Variants in STARD3 observed in about 807,000 individuals in gnomAD.
STARD3 encodes the protein StAR related lipid transfer domain containing 3, also known as stAR-related lipid transfer protein 3.
A neutral mutation model predicts 62.0 loss-of-function variants in STARD3; 39 were observed. That is an observed-to-expected ratio of 0.63 (90% CI 0.49 to 0.82). The LOEUF is 0.82. STARD3 is among the 40% of genes least tolerant of loss of function. The pLI is 0.00. For synonymous variants in STARD3, 229 were observed against 242.4 expected, an observed-to-expected ratio of 0.94 and a Z score of 0.51; for missense variants, 543 against 584.5, an observed-to-expected ratio of 0.93 and a Z score of 0.73.
intron 2 of STARD3, 39 bp downstream of exon 2, chr17:39,653,789 G>C: frequency 6.2e-7 from 1 of 1,609,160 alleles, no homozygotes; most frequent in East Asian, 2.2e-5. Flanking sequence ...CCATGTTGCA[G>C]GCCACCCGGG....
chr17:39,662,523 G>T (rs773277355), intron 14 of STARD3, 179 bp downstream of exon 14: 2 of 668,810 alleles, frequency 3.0e-6, no homozygotes, highest in Non-Finnish European at 5.1e-6. Flanking sequence ...CTGGGTTGCT[G>T]TAGGGCATGT....
In STARD3 at chr17:39,657,980, C is replaced by T. The variant is rs775180395; in HGVS notation, c.383C>T (p.Thr128Met). Residue 128 changes from threonine to methionine, a missense_variant, in exon 5 of 15, where the codon ACG (threonine) becomes ATG (methionine). Coordinates refer to ENST00000336308, the MANE Select transcript of STARD3 (RefSeq NM_006804.4). ...CCTCCCTCCCCTGGGCAGGTCACGA[C>T]GCTGGTGTCCAGTGCATTCCTCATT... The part of the protein sequence containing the change: ...LRHWWVIAVT[T>M]LVSSAFLIVK... The T allele has an allele frequency of 6.3e-6, 10 of 1,582,238 alleles. No individual in the cohort carries two copies. Among genetic ancestry groups the T allele is most frequent in the East Asian group, 2.2e-5 (1 of 44,456 alleles).
At chr17:39,639,639 A>G (rs962245251) in intron 1 of STARD3, among the ~76,000 whole-genome samples, 6 of 152,186 alleles carry the variant, frequency 3.9e-5, no homozygotes, top group African/African-American at 1.2e-4. Context: ...GACGCTGGCA[A>G]TTCCTTTCCT....
chr17:39,659,994 C>T, intron 9 of STARD3: 1 of 591,922 alleles, frequency 1.7e-6, no homozygotes, highest in Non-Finnish European at 3.0e-6. Flanking sequence ...TGCAGCTGTC[C>T]CCCCGTCTTT....
At chr17:39,662,474 C>A in intron 14 of STARD3, 130 bp downstream of exon 14, 1 of 957,412 alleles carries the variant, frequency 1.0e-6, no homozygotes. Context: ...ACCTTTCTTA[C>A]TTGAAAATTT....
rs1597803896 is a variant in STARD3, at chr17:39,663,880, C to T, written c.*972C>T. Among the ~76,000 whole-genome samples the T allele has an allele frequency of 6.6e-6, 1 of 152,168 alleles. No individual in the cohort carries two copies. Among genetic ancestry groups the T allele is most frequent in the African/African-American group, 2.4e-5 (1 of 41,512 alleles). ...CTCTGGGATCCAGGCCACCTGGAGC[C>T]CCGGACCTCCCAGACTCCACTCACC... On this transcript the variant is annotated 3_prime_UTR_variant, in exon 15 of 15. Transcript: ENST00000336308.
At chr17:39,649,024 G>A (rs1308783019) in intron 1 of STARD3, among the ~76,000 whole-genome samples, 1 of 152,182 alleles carries the variant, frequency 6.6e-6, no homozygotes, top group East Asian at 1.9e-4. Flanking sequence ...AGGGAGGAGA[G>A]AGGCAGATAG....
At chr17:39,643,009 G>A (rs2056994543) in intron 1 of STARD3, among the ~76,000 whole-genome samples, 1 of 152,108 alleles carries the variant, frequency 6.6e-6, no homozygotes, top group Admixed American at 6.6e-5. Flanking sequence ...GGAAGCCATT[G>A]GAGGTTGGGG....
Position 39,662,343 on chromosome 17 carries a change from A to G in STARD3, c.1232A>G (p.Lys411Arg), listed in dbSNP as rs965509022. 1 of 1,613,658 alleles carries G rather than the reference A, an allele frequency of 6.2e-7. No individual in the cohort carries two copies. Among genetic ancestry groups the G allele is most frequent in the Non-Finnish European group, 8.5e-7 (1 of 1,179,820 alleles). ...TFVWILNTDL[K>R]GRLPRYLIHQ... Reference sequence around the variant, plus strand: ...GTCTGGATTCTTAATACAGATCTCAAGGTGGGGTGCTGGGGGGCTGCCAGG... The same window carrying G: ...GTCTGGATTCTTAATACAGATCTCAGGGTGGGGTGCTGGGGGGCTGCCAGG... The change falls in exon 14 of 15, where the codon AAG (lysine) becomes AGG (arginine). Residue 411 changes from lysine to arginine, a missense_variant and splice_region_variant. Lys to Arg is a conservative substitution (Grantham distance 26). Coordinates refer to ENST00000336308, the MANE Select transcript of STARD3 (RefSeq NM_006804.4).
intron 3 of STARD3, 116 bp downstream of exon 3, chr17:39,657,201 C>A: frequency 3.9e-6 from 4 of 1,023,038 alleles, no homozygotes; most frequent in South Asian, 2.8e-5. Flanking sequence ...ACTCGGCTCC[C>A]ATCCTTCGGG....
Position 39,658,010 on chromosome 17 carries a change from A to G in STARD3, c.413A>G (p.Lys138Arg), listed in dbSNP as rs1472648638. ...GTGTCCAGTGCATTCCTCATTGTCAAGGTCATCCTCTCTGAGGTCAGTGGC... is the reference window on the plus strand; with the variant it reads ...GTGTCCAGTGCATTCCTCATTGTCAGGGTCATCCTCTCTGAGGTCAGTGGC... The part of the protein sequence containing the change: ...TLVSSAFLIV[K>R]VILSELLSKG... The change falls in exon 5 of 15, where the codon AAG becomes AGG. Residue 138 changes from lysine to arginine, a missense_variant. Coordinates refer to ENST00000336308, the MANE Select transcript of STARD3 (RefSeq NM_006804.4). 1.3e-6 allele frequency: 2 copies of G among 1,564,000 alleles called. No homozygotes were observed. The highest frequency in any genetic ancestry group is 1.2e-5 in the South Asian group (1 of 83,406).
intron 8 of STARD3, 91 bp from the exon 9 acceptor site, chr17:39,659,370 G>A (rs73296106): frequency 0.051 from 65,995 of 1,305,220 alleles, 2,054 homozygotes; most frequent in African/African-American, 0.068. Flanking sequence ...CCTCTGGGAA[G>A]CATGTGGTAT....
rs1362575263 is a variant in STARD3 at position 39,662,869 on chromosome 17, C to T, written c.1299C>T (p.His433=). Residue 433 remains histidine (H), a synonymous_variant, in exon 15 of 15, where the codon CAC becomes CAT. Coordinates refer to ENST00000336308, the MANE Select transcript of STARD3 (RefSeq NM_006804.4). ...LAATMFEFAF[H]LRQRISELGA... is the part of the protein sequence containing the mutation. The stretch of plus-strand genomic sequence containing the variant: ...CCACCATGTTTGAATTTGCCTTTCA[C>T]CTGCGACAGCGCATCAGCGAGCTGG... 1.9e-6 allele frequency: 3 copies of T among 1,612,756 alleles called. No homozygotes were observed. The highest frequency in any genetic ancestry group is 2.5e-6 in the Non-Finnish European group (3 of 1,179,542).
rs553468892 is a variant in STARD3 at position 39,660,967 on chromosome 17, C to T, written c.1035-14C>T. Reference sequence around the variant, plus strand: ...TTGGGTCATTGTCCCCTGAACTAACCCTCCCTCCCGCAGGGACTTCGTGAA... The same window carrying T: ...TTGGGTCATTGTCCCCTGAACTAACTCTCCCTCCCGCAGGGACTTCGTGAA... On this transcript the variant is annotated splice_polypyrimidine_tract_variant and intron_variant, in intron 12 of 14. Transcript: ENST00000336308. This position sits in a 1 kb window ranked among gnomAD's most constrained non-coding sequence, Gnocchi z 4.8. The T allele has an allele frequency of 6.2e-7, 1 of 1,613,440 alleles. No homozygotes were observed. Among genetic ancestry groups the T allele is most frequent in the Non-Finnish European group, 8.5e-7 (1 of 1,179,794 alleles).
rs764711188 is a variant in STARD3 at position 39,663,000 on chromosome 17, G to C, written c.*92G>C. ...CAGTTGGGCTCGCACTGCCCACATG[G>C]GACCTGGCCCCAGGCTGTCACCCTC... is the stretch of plus-strand genomic sequence containing the variant. On this transcript the variant is annotated 3_prime_UTR_variant, in exon 15 of 15. Transcript: ENST00000336308. The C allele has an allele frequency of 6.4e-6, 8 of 1,254,574 alleles. No individual in the cohort carries two copies. In the East Asian group the frequency reaches 1.8e-4, roughly 29 times the overall value. The allele number at this position is 1,254,574 out of a possible 1,614,324, so 77.7% of individuals were successfully genotyped here.
In STARD3 at chr17:39,657,635, A is replaced by C. The variant is rs574966971; in HGVS notation, c.298-140A>C. 29 of 830,516 alleles carry C rather than the reference A, an allele frequency of 3.5e-5. No homozygotes were observed. The African/African-American group carries it at 3.8e-4, about 11-fold the overall frequency. The allele number at this position is 830,516 out of a possible 1,614,324, so 51.4% of individuals were successfully genotyped here. ...GTTACATCCAAATTGTCCCAGAGACATGCTGACTCAGTCGTTGTCCCCTGA... is the reference window on the plus strand; with the variant it reads ...GTTACATCCAAATTGTCCCAGAGACCTGCTGACTCAGTCGTTGTCCCCTGA... On this transcript the variant is annotated intron_variant, in intron 3 of 14. Coordinates refer to ENST00000336308, the MANE Select transcript of STARD3 (RefSeq NM_006804.4).
Position 39,657,981 on chromosome 17 carries a change from G to A in STARD3, c.384G>A (p.Thr128=), listed in dbSNP as rs149232821. The change falls in exon 5 of 15, where the codon ACG becomes ACA. Residue 128 remains threonine (T), a synonymous_variant. Transcript: ENST00000336308. ...CTCCCTCCCCTGGGCAGGTCACGAC[G>A]CTGGTGTCCAGTGCATTCCTCATTG... The part of the protein sequence containing the change: ...LRHWWVIAVT[T]LVSSAFLIVK... The A allele has an allele frequency of 1.0e-5, 16 of 1,582,332 alleles. No individual in the cohort carries two copies. The highest frequency in any genetic ancestry group is 4.5e-5 in the East Asian group (2 of 44,454).
In STARD3 at chr17:39,662,350, G is replaced by T; in HGVS notation, c.1233+6G>T. 1.2e-6 allele frequency: 2 copies of T among 1,613,192 alleles called. No individual in the cohort carries two copies. The highest frequency in any genetic ancestry group is 8.5e-7 in the Non-Finnish European group (1 of 1,179,598). ...TTCTTAATACAGATCTCAAGGTGGGGTGCTGGGGGGCTGCCAGGTGGGTTC... is the reference window on the plus strand; with the variant it reads ...TTCTTAATACAGATCTCAAGGTGGGTTGCTGGGGGGCTGCCAGGTGGGTTC... On this transcript the variant is annotated splice_donor_region_variant and intron_variant, in intron 14 of 14. Transcript: ENST00000336308.
At position 39,660,065 on chromosome 17, in the gene STARD3, T is replaced by C; in HGVS notation, c.796-146T>C. 1 of 738,472 alleles carries C rather than the reference T, an allele frequency of 1.4e-6. No homozygotes were observed. Among genetic ancestry groups the C allele is most frequent in the Non-Finnish European group, 2.4e-6 (1 of 425,098 alleles). The allele number at this position is 738,472 out of a possible 1,614,324, so 45.7% of individuals were successfully genotyped here. ...CATAGGTTTGTTAGAGCTACTGTTT[T>C]GTAACAGCTGCTCAGGTGTCCCCAA... is the stretch of plus-strand genomic sequence containing the variant. On this transcript the variant is annotated intron_variant, in intron 9 of 14. Transcript: ENST00000336308. This position sits in a 1 kb window ranked among gnomAD's most constrained non-coding sequence, Gnocchi z 4.8.
Sources: gnomAD v4.1 joint callset for allele counts (sites outside exome capture counted in the v4.1 genomes callset) on GRCh38, gnomAD v4.1.1 for gene constraint, Gnocchi (gnomAD v3.1) non-coding constraint, MANE v1.5 for transcripts, NCBI Gene and HGNC (gene_info 2026-07-23, HGNC 2026-07-21) for gene names.